The following DGKB variants were observed in gnomAD, a reference collection of about 807,000 sequenced individuals.
DGKB encodes diacylglycerol kinase beta.
A neutral mutation model predicts 114.3 loss-of-function variants in DGKB; 67 were observed. The ratio of observed to expected loss-of-function variants is 0.59; its 90% CI spans 0.48 to 0.72. The LOEUF (loss-of-function observed/expected upper bound fraction) is 0.72. Ranked by LOEUF, DGKB falls within the 30% of genes least tolerant of loss-of-function variation. The probability of loss-of-function intolerance (pLI) is 0.00; values close to 1 mark genes in which losing one functional copy is unlikely to be tolerated. For synonymous variants in DGKB, 398 were observed against 323.1 expected (o/e 1.23, Z -2.49); for missense variants, 907 against 975.2 (o/e 0.93, Z 0.93).
intron 1 of DGKB, among the ~76,000 whole-genome samples, chr7:14,919,964 A>C (rs1272123977): frequency 6.6e-6 from 1 of 152,150 alleles, no homozygotes; most frequent in Non-Finnish European, 1.5e-5. Context: ...ACAGTCTGCA[A>C]ACCATGAGCC....
intron 23 of DGKB, among the ~76,000 whole-genome samples, chr7:14,190,101 C>A (rs1006979301): frequency 6.6e-6 from 1 of 152,152 alleles, no homozygotes; most frequent in Non-Finnish European, 1.5e-5. Flanking sequence ...AATACATATT[C>A]TTTTCGGTTG....
At chr7:14,926,466 T>C (rs1453659787) in intron 1 of DGKB, among the ~76,000 whole-genome samples, 3 of 151,844 alleles carry the variant, frequency 2.0e-5, no homozygotes, top group Non-Finnish European at 4.4e-5. Flanking sequence ...TCCTATTTTT[T>C]TCTCATTGCT....
Position 14,233,648 on chromosome 7 carries a change from T to C in DGKB, c.2123-55497A>G, listed in dbSNP as rs536911249. Among the ~76,000 whole-genome samples the C allele has an allele frequency of 1.9e-3, 294 of 152,150 alleles. 1 individual carries two copies. Among genetic ancestry groups the C allele is most frequent in the African/African-American group, 6.9e-3 (288 of 41,528 alleles). On this transcript the variant is annotated intron_variant, in intron 23 of 25. Transcript: ENST00000402815. ...AATTGCCTAAAGATGATCATTATCA[T>C]CTGAGAATATGAAGTATAGCTGCGT...
intron 2 of DGKB, among the ~76,000 whole-genome samples, chr7:14,781,720 G>T (rs1028883571): frequency 6.6e-6 from 1 of 151,972 alleles, no homozygotes; most frequent in South Asian, 2.1e-4. Flanking sequence ...TTATTTTTAC[G>T]CACCATTCTT....
intron 4 of DGKB, among the ~76,000 whole-genome samples, chr7:14,740,000 A>C (rs988991205): frequency 1.3e-5 from 2 of 152,184 alleles, no homozygotes; most frequent in Non-Finnish European, 2.9e-5. Flanking sequence ...TACTTTCGGC[A>C]TCCAACAGCC....
At chr7:14,503,910 A>G (rs1584434764) in intron 20 of DGKB, among the ~76,000 whole-genome samples, 1 of 152,300 alleles carries the variant, frequency 6.6e-6, no homozygotes, top group East Asian at 1.9e-4. Context: ...GACAGATGGA[A>G]GCTAAACTAG....
At chr7:14,505,953 A>AT (rs763573903) in intron 20 of DGKB, among the ~76,000 whole-genome samples, 4 of 151,628 alleles carry the variant, frequency 2.6e-5, no homozygotes, top group Non-Finnish European at 4.4e-5. Flanking sequence ...TCATACCCAG[A>AT]TTTTTTTTTA....
intron 22 of DGKB, among the ~76,000 whole-genome samples, chr7:14,343,571 G>A (rs1328845792): frequency 6.6e-6 from 1 of 151,020 alleles, no homozygotes; most frequent in East Asian, 1.9e-4. Flanking sequence ...TTATTTTATA[G>A]ATCAACAGCT....
intron 20 of DGKB, among the ~76,000 whole-genome samples, chr7:14,501,758 G>T (rs1053737667): frequency 1.3e-5 from 2 of 151,920 alleles, no homozygotes; most frequent in East Asian, 3.9e-4. Flanking sequence ...GTCATTTTAT[G>T]TTGGATGTAT....
At chr7:14,172,976 G>A (rs1235561566) in intron 25 of DGKB, among the ~76,000 whole-genome samples, 2 of 152,078 alleles carry the variant, frequency 1.3e-5, no homozygotes, top group Admixed American at 6.5e-5. Flanking sequence ...ATAGACTCTG[G>A]AGTCTGGCCT....
chr7:14,531,908 C>A (rs1791643489), intron 20 of DGKB, among the ~76,000 whole-genome samples: 2 of 150,526 alleles, frequency 1.3e-5, no homozygotes, highest in East Asian at 3.9e-4. Flanking sequence ...GGGCATCAAA[C>A]AATTCAATAG....
intron 23 of DGKB, among the ~76,000 whole-genome samples, chr7:14,259,379 TTCTCTCTCTCTCTC>T (rs752185464): frequency 5.6e-5 from 8 of 142,384 alleles, no homozygotes; most frequent in Admixed American, 3.5e-4. Flanking sequence ...CTAGTAAAGT[TTCTCTCTCTCTCTC>T]TCTCTCTCTC....
At chr7:14,183,674 A>C (rs1402867742) in intron 23 of DGKB, among the ~76,000 whole-genome samples, 1 of 152,198 alleles carries the variant, frequency 6.6e-6, no homozygotes, top group Non-Finnish European at 1.5e-5. Context: ...CACTTGTTCA[A>C]GTCTTTACAT....
chr7:14,186,802 T>A (rs1019667766), intron 23 of DGKB, among the ~76,000 whole-genome samples: 1 of 152,060 alleles, frequency 6.6e-6, no homozygotes, highest in Non-Finnish European at 1.5e-5. Context: ...CTCATGGATA[T>A]GTGGGAGATA....
At chr7:14,808,439 T>G (rs576076217) in intron 2 of DGKB, among the ~76,000 whole-genome samples, 2 of 152,118 alleles carry the variant, frequency 1.3e-5, no homozygotes, top group South Asian at 2.1e-4. Flanking sequence ...TCATCATCCT[T>G]CACTATAACT....
At chr7:14,786,158 A>G (rs1461179410) in intron 2 of DGKB, among the ~76,000 whole-genome samples, 1 of 151,022 alleles carries the variant, frequency 6.6e-6, no homozygotes, top group Non-Finnish European at 1.5e-5. Context: ...ACACACACAC[A>G]CACACGCACA....
intron 25 of DGKB, among the ~76,000 whole-genome samples, chr7:14,170,189 GAAAGAAAGAAAGAAAT>G (rs1780769912): frequency 7.2e-6 from 1 of 138,772 alleles, no homozygotes; most frequent in Non-Finnish European, 1.6e-5. Flanking sequence ...AAGAAAGAAA[GAAAGAAAGAAAGAAAT>G]ACATTAAGCC....
chr7:14,395,595 G>C (rs1822088068), intron 21 of DGKB, among the ~76,000 whole-genome samples: 1 of 151,636 alleles, frequency 6.6e-6, no homozygotes, highest in Non-Finnish European at 1.5e-5. Context: ...ATCCAGATAA[G>C]TAAAAAATTT....
intron 17 of DGKB, among the ~76,000 whole-genome samples, chr7:14,592,869 T>C (rs79900228): frequency 0.037 from 5,659 of 152,038 alleles, 370 homozygotes; most frequent in African/African-American, 0.13. Context: ...ATATCTTATG[T>C]ACTTTAGTTC....
Sources: gnomAD v4.1 joint callset for allele counts (sites outside exome capture counted in the v4.1 genomes callset) on GRCh38, gnomAD v4.1.1 for gene constraint, MANE v1.5 for transcripts, NCBI Gene and HGNC (gene_info 2026-07-23, HGNC 2026-07-21) for gene names.